Variants in ARHGEF38 observed in about 807,000 individuals in gnomAD.
The protein encoded by ARHGEF38 is Rho guanine nucleotide exchange factor 38.
In ARHGEF38, 79 loss-of-function variants were observed where a neutral mutation model predicts 79.9. That is an observed-to-expected ratio of 0.99 (90% confidence interval 0.82 to 1.19). The LOEUF is 1.19. ARHGEF38 is among the 50% of genes most tolerant of loss of function. The pLI is 0.00. For missense variants in ARHGEF38, 962 were observed against 907.2 expected (o/e 1.06, Z -0.78); for synonymous variants, 366 against 328.3 (o/e 1.11, Z -1.24).
At chr4:105,559,684 T>C (rs1337823808) in intron 1 of ARHGEF38, among the ~76,000 whole-genome samples, 2 of 152,164 alleles carry the variant, frequency 1.3e-5, no homozygotes, top group Non-Finnish European at 2.9e-5. Context: ...AACTTTTAAA[T>C]ATGTAGATCT....
rs570031158 is a variant in ARHGEF38, at chr4:105,557,235, A to G, written c.196+4274A>G. On this transcript the variant is annotated intron_variant, in intron 1 of 13. Coordinates refer to ENST00000420470, the MANE Select transcript of ARHGEF38 (RefSeq NM_001242729.2). ...TATATGTGTATATATATGTGTGTAT[A>G]TATATATATCTCCAGTATGTAGATA... Among the ~76,000 whole-genome samples the G allele has an allele frequency of 9.8e-4, 150 of 152,294 alleles. 4 individuals are homozygous for G. Among genetic ancestry groups the G allele is most frequent in the South Asian group, 6.2e-4 (3 of 4,828 alleles).
At chr4:105,621,849 G>A (rs1165325217) in intron 3 of ARHGEF38, among the ~76,000 whole-genome samples, 1 of 152,176 alleles carries the variant, frequency 6.6e-6, no homozygotes, top group East Asian at 1.9e-4. Flanking sequence ...GAATGTATGA[G>A]GTCAGTGCGG....
At chr4:105,594,590 A>G (rs963245338) in intron 2 of ARHGEF38, among the ~76,000 whole-genome samples, 33 of 152,226 alleles carry the variant, frequency 2.2e-4, no homozygotes, top group African/African-American at 7.7e-4. Flanking sequence ...ATTTTATTTA[A>G]GTGAAAATTG....
chr4:105,672,494 A>G (rs1004086637), intron 13 of ARHGEF38, among the ~76,000 whole-genome samples: 1 of 152,160 alleles, frequency 6.6e-6, no homozygotes, highest in South Asian at 2.1e-4. Context: ...TGCTATATCG[A>G]AGAATATAAC....
rs1731258726 is a variant in ARHGEF38, at chr4:105,680,115, T to G, written c.*2178T>G. ...ACATCTCATTTTCATCTGTGTTTTATAAAGGAGGAAATTGAGGACCTCACA... is the reference window on the plus strand; with the variant it reads ...ACATCTCATTTTCATCTGTGTTTTAGAAAGGAGGAAATTGAGGACCTCACA... On this transcript the variant is annotated 3_prime_UTR_variant, in exon 14 of 14. Coordinates refer to ENST00000420470, the MANE Select transcript of ARHGEF38 (RefSeq NM_001242729.2). 1.4e-6 allele frequency: 1 copy of G among 731,978 alleles called. No individual in the cohort carries two copies. Among genetic ancestry groups the G allele is most frequent in the Non-Finnish European group, 2.6e-6 (1 of 390,858 alleles). The allele number at this position is 731,978 out of a possible 1,614,324, so 45.3% of individuals were successfully genotyped here.
chr4:105,564,616 T>A (rs556123169), intron 1 of ARHGEF38, among the ~76,000 whole-genome samples: 4 of 152,296 alleles, frequency 2.6e-5, no homozygotes, highest in African/African-American at 9.6e-5. Flanking sequence ...TTAAAAATAG[T>A]TAACATTGTA....
chr4:105,659,050 G>A lies in ARHGEF38; in HGVS notation c.1234-4G>A. ...TGAAATGGGCTCATTTTTTCTTTTG[G>A]CAGGCATCTCACTTACAGAGACTCA... On this transcript the variant is annotated splice_region_variant and splice_polypyrimidine_tract_variant and intron_variant, in intron 9 of 13. Coordinates refer to ENST00000420470, the MANE Select transcript of ARHGEF38 (RefSeq NM_001242729.2). 6.6e-7 allele frequency: 1 copy of A among 1,521,162 alleles called. No individual in the cohort carries two copies. 94.2% of individuals were successfully genotyped at this position (1,521,162 alleles called of 1,614,324 possible). A position where few individuals can be genotyped will look rare whatever the true frequency, so the allele number is the denominator to read the frequency against.
intron 3 of ARHGEF38, among the ~76,000 whole-genome samples, chr4:105,615,646 T>G (rs1399925257): frequency 2.6e-5 from 4 of 152,194 alleles, no homozygotes; most frequent in Non-Finnish European, 5.9e-5. Flanking sequence ...TTATTATTAT[T>G]ATTAGTTGCA....
At chr4:105,642,822 T>TTTGATTTAAA (rs1729676157) in intron 5 of ARHGEF38, among the ~76,000 whole-genome samples, 1 of 152,162 alleles carries the variant, frequency 6.6e-6, no homozygotes, top group African/African-American at 2.4e-5. Context: ...ATTTAAATGT[T>TTTGATTTAAA]TGATTATATT....
chr4:105,575,678 C>CT (rs1726460920), intron 1 of ARHGEF38, among the ~76,000 whole-genome samples: 1 of 151,990 alleles, frequency 6.6e-6, no homozygotes, highest in Non-Finnish European at 1.5e-5. Flanking sequence ...TTTATTTTTG[C>CT]TTTTTTTCCA....
In ARHGEF38 at chr4:105,667,149, T is replaced by C. The variant is rs1021975011; in HGVS notation, c.1710T>C (p.Thr570=). 9 of 1,533,370 alleles carry C rather than the reference T, an allele frequency of 5.9e-6. No homozygotes were observed. In the East Asian group the frequency reaches 2.0e-4, roughly 33 times the overall value. 95.0% of individuals were successfully genotyped at this position (1,533,370 alleles called of 1,614,324 possible). The change falls in exon 12 of 14, where the codon ACT becomes ACC. Residue 570 remains threonine, a synonymous_variant. Coordinates refer to ENST00000420470, the MANE Select transcript of ARHGEF38 (RefSeq NM_001242729.2). ...CCCAGCCAGAAATGCCACATCAAAC[T>C]GACATTCATCGCTCCAAACTTCTAT... ...VQILPEMPHQ[T]DIHRSKLLST... is the part of the protein sequence containing the mutation.
Position 105,590,881 on chromosome 4 carries a change from C to G in ARHGEF38, c.384+1446C>G, listed in dbSNP as rs945511153. Among the ~76,000 whole-genome samples, 4 of 151,860 alleles carry G rather than the reference C, an allele frequency of 2.6e-5. No homozygotes were observed. In the East Asian group the frequency reaches 7.7e-4, roughly 29 times the overall value. Reference sequence around the variant, plus strand: ...AATATCTTCTCATATATTCATTGGCCTTTTCTGTTATTCATATCCATGTTT... The same window carrying G: ...AATATCTTCTCATATATTCATTGGCGTTTTCTGTTATTCATATCCATGTTT... On this transcript the variant is annotated intron_variant, in intron 2 of 13. Coordinates refer to ENST00000420470, the MANE Select transcript of ARHGEF38 (RefSeq NM_001242729.2).
intron 1 of ARHGEF38, among the ~76,000 whole-genome samples, chr4:105,584,548 GGTA>G: frequency 6.6e-6 from 1 of 152,254 alleles, no homozygotes; most frequent in East Asian, 1.9e-4. Context: ...TCTAATAAAT[GGTA>G]GTGGTGGAGT....
chr4:105,557,001 G>A (rs953438237), intron 1 of ARHGEF38, among the ~76,000 whole-genome samples: 1 of 152,076 alleles, frequency 6.6e-6, no homozygotes, highest in Non-Finnish European at 1.5e-5. Flanking sequence ...TCTTCTATTA[G>A]TGACAAGAGC....
At chr4:105,566,077 C>G (rs941484912) in intron 1 of ARHGEF38, among the ~76,000 whole-genome samples, 2 of 152,174 alleles carry the variant, frequency 1.3e-5, no homozygotes, top group African/African-American at 4.8e-5. Flanking sequence ...CCAAAGTGAT[C>G]TTGCTAAGAG....
At chr4:105,668,523 A>G (rs566034426) in intron 13 of ARHGEF38, among the ~76,000 whole-genome samples, 5 of 152,170 alleles carry the variant, frequency 3.3e-5, no homozygotes, top group Non-Finnish European at 7.3e-5. Context: ...GCTATATCAG[A>G]AAGGTTCAGT....
intron 2 of ARHGEF38, among the ~76,000 whole-genome samples, chr4:105,611,921 G>A (rs1199530037): frequency 2.0e-5 from 3 of 152,068 alleles, no homozygotes; most frequent in Non-Finnish European, 4.4e-5. Flanking sequence ...GTTATCTTGA[G>A]GACAGGATGA....
In ARHGEF38 at chr4:105,590,074, A is replaced by AGAAGGAAGGAAGGAAG. The variant is rs70941203; in HGVS notation, c.384+679_384+694dup. ...GAGAGAAAGAAAGAAAAAGAAAGAA[A>AGAAGGAAGGAAGGAAG]GAAGGAAGGAAGGAAGGAAGGAAGG... On this transcript the variant is annotated intron_variant, in intron 2 of 13. Transcript: ENST00000420470. 1.9e-3 allele frequency among the ~76,000 whole-genome samples: 213 copies of AGAAGGAAGGAAGGAAG among 109,552 alleles called. 1 individual carries two copies. Among genetic ancestry groups the AGAAGGAAGGAAGGAAG allele is most frequent in the Admixed American group, 4.6e-3 (44 of 9,570 alleles). The allele number at this position is 109,552 out of a possible 152,430, so 71.9% of individuals were successfully genotyped here.
intron 1 of ARHGEF38, among the ~76,000 whole-genome samples, chr4:105,583,982 C>CA (rs1726917155): frequency 6.6e-6 from 1 of 151,848 alleles, no homozygotes; most frequent in South Asian, 2.1e-4. Flanking sequence ...GATATGTTTC[C>CA]TGAGTATGTT....
Sources: gnomAD v4.1 joint callset for allele counts (sites outside exome capture counted in the v4.1 genomes callset) on GRCh38, gnomAD v4.1.1 for gene constraint, MANE v1.5 for transcripts, NCBI Gene and HGNC (gene_info 2026-07-23, HGNC 2026-07-21) for gene names.